Variants in ANKRD30B observed in about 807,000 individuals in gnomAD.
ANKRD30B encodes the protein ankyrin repeat domain 30B, also known as ankyrin repeat domain-containing protein 30B.
ANKRD30B carries 144 observed loss-of-function variants against 202.2 expected under a neutral mutation model. The observed-to-expected ratio is 0.71, with a 90% CI of 0.62 to 0.82. ANKRD30B has a LOEUF of 0.82. Among genes scored for constraint, ANKRD30B ranks in the 40% least tolerant of loss-of-function variants. ANKRD30B has a pLI of 0.00. For synonymous variants in ANKRD30B, 508 were observed against 561.3 expected, an observed-to-expected ratio of 0.91 and a Z score of 1.34; for missense variants, 1,487 against 1,669.1, an observed-to-expected ratio of 0.89 and a Z score of 1.90.
At chr18:14,777,847 G>T (rs1265345699) in intron 9 of ANKRD30B, 138 bp from the exon 10 acceptor site, 13 of 612,390 alleles carry the variant, frequency 2.1e-5, no homozygotes, top group Non-Finnish European at 3.2e-5. Flanking sequence ...GGAGGCAGAA[G>T]GAGGAGAATC....
chr18:14,858,737 A>G (rs1408271896), downstream of ANKRD30B, among the ~76,000 whole-genome samples: 22 of 146,278 alleles, frequency 1.5e-4, no homozygotes, highest in Admixed American at 2.0e-4. Context: ...GCGGCTGGGC[A>G]GAGGTGCTCC....
At position 14,774,825 on chromosome 18, in the gene ANKRD30B, T is replaced by TA. The variant is rs570906507; in HGVS notation, c.1329+2611dup. Among the ~76,000 whole-genome samples, 274 of 140,552 alleles carry TA rather than the reference T, an allele frequency of 1.9e-3. 1 individual carries two copies. Among genetic ancestry groups the TA allele is most frequent in the South Asian group, 0.014 (64 of 4,416 alleles). 92.2% of individuals were successfully genotyped at this position (140,552 alleles called of 152,430 possible). ...AATTTTTGTTCTAGGTTATTTTAGC[T>TA]AAAAAAAAAAAAAATCTAAGGGCCA... On this transcript the variant is annotated intron_variant, in intron 9 of 43. Transcript: ENST00000690538.
chr18:14,808,459 G>A (rs771408608), intron 24 of ANKRD30B, 92 bp from the exon 25 acceptor site: 2 of 1,289,486 alleles, frequency 1.6e-6, no homozygotes, highest in South Asian at 1.2e-5. Context: ...ATCCAAGCAT[G>A]AGGACTCATC....
intron 9 of ANKRD30B, among the ~76,000 whole-genome samples, chr18:14,776,934 G>C (rs11875716): frequency 0.012 from 1,750 of 152,100 alleles, 40 homozygotes; most frequent in African/African-American, 0.04. Flanking sequence ...CTCCTACTCC[G>C]CATGACATAC....
Position 14,851,521 on chromosome 18 carries a change from C to T in ANKRD30B, c.3577C>T (p.His1193Tyr), listed in dbSNP as rs1598723777. 1.3e-6 allele frequency: 2 copies of T among 1,537,252 alleles called. No homozygotes were observed. Among genetic ancestry groups the T allele is most frequent in the East Asian group, 4.6e-5 (2 of 43,528 alleles). The change falls in exon 42 of 44, where the codon CAT becomes TAT. Residue 1193 changes from histidine (H) to tyrosine (Y), a missense_variant. His to Tyr is a moderately conservative substitution (Grantham distance 83, BLOSUM62 2). This residue lies in a region of ANKRD30B where 177 missense variants were observed against 216.4 expected (regional missense o/e 0.82). Transcript: ENST00000690538. ...TSNLNQVSHTHESENDLFHEN... is the reference protein window; with the variant it reads ...TSNLNQVSHTYESENDLFHEN... ...TTGTTTTATTTAGGTTTCTCACACT[C>T]ATGAAAGTGAAAATGATCTCTTTCA...
intron 37 of ANKRD30B, 129 bp from the exon 38 acceptor site, chr18:14,842,768 A>T (rs1027692606): frequency 1.2e-6 from 1 of 846,042 alleles, no homozygotes; most frequent in African/African-American, 1.7e-5. Flanking sequence ...ACCGAAAGAA[A>T]ACCCCCTAAA....
chr18:14,938,377 T>A, the ANKRD30B span, among the ~76,000 whole-genome samples: 244 of 152,368 alleles, frequency 1.6e-3, 1 homozygote, highest in African/African-American at 5.6e-3. Context: ...GCTCCCACGC[T>A]TGCCGCCCTC....
chr18:14,772,948 A>T lies in ANKRD30B; in HGVS notation c.1329+720A>T, dbSNP rs117877335. ...TGTGGGCACATAGCGAGACCTTATCACTAATTTTAAAAATAATTGTAGAAA... is the reference window on the plus strand; with the variant it reads ...TGTGGGCACATAGCGAGACCTTATCTCTAATTTTAAAAATAATTGTAGAAA... On this transcript the variant is annotated intron_variant, in intron 9 of 43. Transcript: ENST00000690538. 8.4e-4 allele frequency among the ~76,000 whole-genome samples: 128 copies of T among 152,182 alleles called. 2 individuals are homozygous for T. In the East Asian group the frequency reaches 0.018, roughly 22 times the overall value.
intron 18 of ANKRD30B, among the ~76,000 whole-genome samples, chr18:14,797,307 G>A (rs1042465041): frequency 1.1e-4 from 16 of 152,210 alleles, no homozygotes; most frequent in South Asian, 4.2e-4. Flanking sequence ...TTGGTGACGC[G>A]AAACCTCCCT....
chr18:14,882,122 C>A, the ANKRD30B span, among the ~76,000 whole-genome samples: 1 of 152,124 alleles, frequency 6.6e-6, no homozygotes, highest in Non-Finnish European at 1.5e-5. Context: ...TAGTTCTGCT[C>A]TGATCTTGGT....
At chr18:14,907,707 C>T in the ANKRD30B span, among the ~76,000 whole-genome samples, 2 of 152,210 alleles carry the variant, frequency 1.3e-5, no homozygotes, top group Non-Finnish European at 2.9e-5. Context: ...AGAGAAGACA[C>T]TGCGTCCTGT....
At chr18:14,933,660 G>A in the ANKRD30B span, among the ~76,000 whole-genome samples, 16 of 152,230 alleles carry the variant, frequency 1.1e-4, no homozygotes, top group East Asian at 1.9e-4. Flanking sequence ...GGAGATATGC[G>A]TGCAAGCGGG....
At chr18:14,920,504 A>C in the ANKRD30B span, among the ~76,000 whole-genome samples, 6 of 152,230 alleles carry the variant, frequency 3.9e-5, no homozygotes, top group Non-Finnish European at 7.3e-5. Context: ...GTTAAAGACT[A>C]TCAGAATTCC....
chr18:14,791,467 G>C lies in ANKRD30B; in HGVS notation c.1801G>C (p.Asp601His), dbSNP rs545061007. The stretch of plus-strand genomic sequence containing the variant: ...CAAAGCTACACATCAAAAAGAATTC[G>C]ATACCTTAAGTGGAAAATTAGAAGG... ...LPKATHQKEF[D>H]TLSGKLEESP... Residue 601 changes from aspartate to histidine, a missense_variant, in exon 16 of 44, where the codon GAT becomes CAT. Around this residue, in one of 6 missense-constraint regions of ANKRD30B, gnomAD observed 889 missense variants for 841.4 expected, o/e 1.06. Coordinates refer to ENST00000690538, the MANE Select transcript of ANKRD30B (RefSeq NM_001367607.2). 5.6e-6 allele frequency: 9 copies of C among 1,609,904 alleles called. No individual in the cohort carries two copies. The highest frequency in any genetic ancestry group is 7.6e-6 in the Non-Finnish European group (9 of 1,178,488).
chr18:14,761,552 G>T (rs1915262305), intron 6 of ANKRD30B, among the ~76,000 whole-genome samples: 1 of 152,192 alleles, frequency 6.6e-6, no homozygotes, highest in Admixed American at 6.5e-5. Context: ...ATTTACTCAA[G>T]GTAAGGATTA....
At chr18:14,842,286 A>C (rs1475734172) in intron 37 of ANKRD30B, among the ~76,000 whole-genome samples, 1 of 152,278 alleles carries the variant, frequency 6.6e-6, no homozygotes, top group Non-Finnish European at 1.5e-5. Flanking sequence ...ACTAGAGGAT[A>C]CAGCAATGTA....
At position 14,791,466 on chromosome 18, in the gene ANKRD30B, C is replaced by A. The variant is rs370663806; in HGVS notation, c.1800C>A (p.Phe600Leu). 3.1e-4 allele frequency: 492 copies of A among 1,610,070 alleles called. No individual in the cohort carries two copies. Among genetic ancestry groups the A allele is most frequent in the Non-Finnish European group, 3.5e-4 (412 of 1,178,496 alleles). Reference sequence around the variant, plus strand: ...CCAAAGCTACACATCAAAAAGAATTCGATACCTTAAGTGGAAAATTAGAAG... The same window carrying A: ...CCAAAGCTACACATCAAAAAGAATTAGATACCTTAAGTGGAAAATTAGAAG... ...YLPKATHQKE[F>L]DTLSGKLEES... The change falls in exon 16 of 44, where the codon TTC (phenylalanine) becomes TTA (leucine). Residue 600 changes from phenylalanine (F) to leucine (L), a missense_variant. Transcript: ENST00000690538.
At chr18:14,867,678 G>A in the ANKRD30B span, among the ~76,000 whole-genome samples, 3 of 152,118 alleles carry the variant, frequency 2.0e-5, no homozygotes, top group Non-Finnish European at 2.9e-5. Context: ...GGGTGGGGAG[G>A]ACTGGCTGGG....
intron 32 of ANKRD30B, among the ~76,000 whole-genome samples, chr18:14,827,418 G>C (rs1970712076): frequency 6.6e-6 from 1 of 152,162 alleles, no homozygotes; most frequent in Non-Finnish European, 1.5e-5. Context: ...TTTGCAACTG[G>C]TGTGTGAGGG....
Sources: gnomAD v4.1 joint callset for allele counts (sites outside exome capture counted in the v4.1 genomes callset) on GRCh38, gnomAD v4.1.1 for gene constraint, gnomAD v4.1.1 regional missense constraint, MANE v1.5 for transcripts, NCBI Gene and HGNC (gene_info 2026-07-23, HGNC 2026-07-21) for gene names.